The following UBE2H variants were observed in gnomAD, a reference collection of about 807,000 sequenced individuals.
UBE2H encodes ubiquitin conjugating enzyme E2 H, also known as ubiquitin-conjugating enzyme E2 H.
In UBE2H, 3 loss-of-function variants were observed where a neutral mutation model predicts 29.0. That is an observed-to-expected ratio of 0.10 (90% CI 0.05 to 0.27). The LOEUF is 0.27. Ranked by LOEUF, UBE2H falls within the 10% of genes least tolerant of loss-of-function variation. The pLI, the probability that UBE2H is intolerant of heterozygous loss-of-function variation, is 1.00. For synonymous variants in UBE2H, 69 were observed against 82.9 expected, an observed-to-expected ratio of 0.83 and a Z score of 0.91; for missense variants, 68 against 228.2, an observed-to-expected ratio of 0.30 and a Z score of 4.52.
intron 1 of UBE2H, among the ~76,000 whole-genome samples, chr7:129,944,744 A>ACG (rs1287807660): frequency 1.2e-3 from 170 of 138,596 alleles, no homozygotes; most frequent in South Asian, 4.3e-3. Context: ...ACACACACAC[A>ACG]CACACACGCA....
At chr7:129,933,616 T>C (rs948210594) in intron 1 of UBE2H, among the ~76,000 whole-genome samples, 4 of 151,546 alleles carry the variant, frequency 2.6e-5, no homozygotes, top group African/African-American at 4.8e-5. Flanking sequence ...AAATGAACAC[T>C]ACATAAAAAG....
intron 3 of UBE2H, among the ~76,000 whole-genome samples, chr7:129,879,002 G>A (rs1173508943): frequency 6.6e-6 from 1 of 152,146 alleles, no homozygotes; most frequent in Non-Finnish European, 1.5e-5. Flanking sequence ...CACCCATTAA[G>A]GTAAAAGGAG....
intron 1 of UBE2H, among the ~76,000 whole-genome samples, chr7:129,911,767 A>G (rs1457413734): frequency 6.6e-6 from 1 of 152,062 alleles, no homozygotes; most frequent in African/African-American, 2.4e-5. Context: ...CCTCCCGAGT[A>G]GCTATGGGAC....
At chr7:129,929,330 A>G (rs1377633246) in intron 1 of UBE2H, among the ~76,000 whole-genome samples, 1 of 152,026 alleles carries the variant, frequency 6.6e-6, no homozygotes, top group African/African-American at 2.4e-5. Context: ...AAAAAAAAAA[A>G]AAAAGAAGAG....
intron 1 of UBE2H, among the ~76,000 whole-genome samples, chr7:129,909,803 G>A (rs1806893348): frequency 1.3e-5 from 2 of 152,120 alleles, no homozygotes; most frequent in Non-Finnish European, 2.9e-5. Context: ...AACAGTTCTA[G>A]GATCTAGGGA....
At chr7:129,849,507 G>A (rs1199644721) in intron 5 of UBE2H, among the ~76,000 whole-genome samples, 2 of 152,202 alleles carry the variant, frequency 1.3e-5, no homozygotes, top group African/African-American at 4.8e-5. Context: ...GAACCCAGGA[G>A]GCAGAGGTTG....
At chr7:129,848,460 G>C (rs1805550962) in intron 5 of UBE2H, among the ~76,000 whole-genome samples, 2 of 152,142 alleles carry the variant, frequency 1.3e-5, no homozygotes, top group Admixed American at 1.3e-4. Flanking sequence ...TGACAGGAAA[G>C]GAAAGAAAAA....
At chr7:129,835,692 C>T (rs1007089413) in intron 6 of UBE2H, among the ~76,000 whole-genome samples, 1 of 152,126 alleles carries the variant, frequency 6.6e-6, no homozygotes, top group African/African-American at 2.4e-5. Flanking sequence ...GAACCCTAGG[C>T]TGAATAAGAC....
intron 1 of UBE2H, among the ~76,000 whole-genome samples, chr7:129,934,047 C>A (rs1340726939): frequency 6.6e-6 from 1 of 152,182 alleles, no homozygotes; most frequent in Non-Finnish European, 1.5e-5. Flanking sequence ...ACAAGCCAGG[C>A]ACAGTCACTC....
intron 1 of UBE2H, among the ~76,000 whole-genome samples, chr7:129,901,424 G>A (rs1806712331): frequency 6.6e-6 from 1 of 152,166 alleles, no homozygotes; most frequent in Non-Finnish European, 1.5e-5. Flanking sequence ...CAGCGCCACA[G>A]GGAGATGCTG....
chr7:129,845,780 T>C (rs902727505), intron 5 of UBE2H, among the ~76,000 whole-genome samples: 3 of 152,382 alleles, frequency 2.0e-5, no homozygotes, highest in African/African-American at 7.2e-5. Context: ...GGCTTTCCAC[T>C]GCCTTGCTCT....
chr7:129,863,412 C>G (rs1341203259), intron 3 of UBE2H, among the ~76,000 whole-genome samples: 2 of 152,158 alleles, frequency 1.3e-5, no homozygotes, highest in Admixed American at 6.5e-5. Context: ...GGGTCTGTTT[C>G]TTTACCTACG....
intron 1 of UBE2H, among the ~76,000 whole-genome samples, chr7:129,936,800 CTAGG>C (rs1807538651): frequency 8.5e-6 from 1 of 117,548 alleles, no homozygotes; most frequent in Non-Finnish European, 1.7e-5. Flanking sequence ...CCCGTCTCTA[CTAGG>C]AAAAAAAAAA....
At chr7:129,846,335 C>G (rs1344345711) in intron 5 of UBE2H, among the ~76,000 whole-genome samples, 3 of 149,938 alleles carry the variant, frequency 2.0e-5, no homozygotes, top group African/African-American at 7.5e-5. Context: ...TAGGGAGATC[C>G]GGTCTCTACA....
chr7:129,927,266 G>A (rs1807288904), intron 1 of UBE2H, among the ~76,000 whole-genome samples: 2 of 152,204 alleles, frequency 1.3e-5, no homozygotes, highest in African/African-American at 4.8e-5. Flanking sequence ...ACTTCGCCAG[G>A]TGCGGTGGCT....
intron 1 of UBE2H, among the ~76,000 whole-genome samples, chr7:129,925,413 A>T (rs1041538929): frequency 6.6e-6 from 1 of 152,150 alleles, no homozygotes; most frequent in African/African-American, 2.4e-5. Flanking sequence ...AACAAGAAAA[A>T]AATAAAATCC....
chr7:129,893,218 G>C (rs1806536558), intron 1 of UBE2H, among the ~76,000 whole-genome samples: 2 of 152,134 alleles, frequency 1.3e-5, no homozygotes, highest in Admixed American at 1.3e-4. Flanking sequence ...TTCTTCTCTA[G>C]TGTTATGCTT....
chr7:129,931,227 GA>G (rs879701010), intron 1 of UBE2H, among the ~76,000 whole-genome samples: 2,187 of 125,166 alleles, frequency 0.017, 50 homozygotes, highest in African/African-American at 0.056. Flanking sequence ...GTCTCAAAAA[GA>G]AAAAAAAAAA....
At chr7:129,888,709 A>G (rs1254979566) in intron 1 of UBE2H, among the ~76,000 whole-genome samples, 6 of 152,140 alleles carry the variant, frequency 3.9e-5, no homozygotes, top group South Asian at 2.1e-4. Context: ...TCCTGACCTC[A>G]AGTGATCCGT....
Sources: gnomAD v4.1 joint callset for allele counts (sites outside exome capture counted in the v4.1 genomes callset) on GRCh38, gnomAD v4.1.1 for gene constraint, MANE v1.5 for transcripts, NCBI Gene and HGNC (gene_info 2026-07-23, HGNC 2026-07-21) for gene names.